The following CYP7B1 variants were observed in gnomAD, a reference collection of about 807,000 sequenced individuals.
CYP7B1 encodes cytochrome P450 7B1.
A neutral mutation model predicts 42.7 loss-of-function variants in CYP7B1; 29 were observed. That is an observed-to-expected ratio of 0.68 (90% confidence interval 0.51 to 0.93). The LOEUF (loss-of-function observed/expected upper bound fraction) is 0.93. Ranked by LOEUF, CYP7B1 falls within the 40% of genes least tolerant of loss-of-function variation. The probability of loss-of-function intolerance (pLI) is 0.00; values close to 1 mark genes in which losing one functional copy is unlikely to be tolerated. For missense variants in CYP7B1, 655 were observed against 600.5 expected (o/e 1.09, Z -0.95); for synonymous variants, 235 against 218.2 (o/e 1.08, Z -0.68).
At chr8:64,723,051 T>A (rs756502246) in intron 1 of CYP7B1, among the ~76,000 whole-genome samples, 12 of 152,188 alleles carry the variant, frequency 7.9e-5, no homozygotes, top group Non-Finnish European at 1.6e-4. Flanking sequence ...TATACAATCA[T>A]TAGCCCTGAA....
intron 5 of CYP7B1, among the ~76,000 whole-genome samples, chr8:64,598,153 G>C (rs1279962159): frequency 6.6e-6 from 1 of 152,144 alleles, no homozygotes; most frequent in African/African-American, 2.4e-5. Context: ...CTTGCAAGTG[G>C]ATGCAATGAT....
At chr8:64,659,760 GT>G (rs1376872485) in intron 1 of CYP7B1, among the ~76,000 whole-genome samples, 1 of 152,182 alleles carries the variant, frequency 6.6e-6, no homozygotes. Context: ...GGAAGGAAAG[GT>G]CTAAGAACAA....
intron 4 of CYP7B1, among the ~76,000 whole-genome samples, chr8:64,609,267 C>T (rs1480429849): frequency 6.6e-6 from 1 of 152,210 alleles, no homozygotes; most frequent in African/African-American, 2.4e-5. Context: ...AATTACCTCA[C>T]ATACTGATCA....
At chr8:64,690,822 C>G (rs765141475) in intron 1 of CYP7B1, among the ~76,000 whole-genome samples, 2 of 152,180 alleles carry the variant, frequency 1.3e-5, no homozygotes, top group African/African-American at 4.8e-5. Flanking sequence ...TACAAACATC[C>G]CCAGGCATTC....
chr8:64,603,066 A>G (rs1805225813), intron 5 of CYP7B1, among the ~76,000 whole-genome samples: 1 of 152,194 alleles, frequency 6.6e-6, no homozygotes, highest in African/African-American at 2.4e-5. Flanking sequence ...AGTAAATAAT[A>G]GAGAGTGTTC....
intron 4 of CYP7B1, among the ~76,000 whole-genome samples, chr8:64,610,544 T>C (rs959346898): frequency 3.9e-5 from 6 of 152,178 alleles, no homozygotes; most frequent in Non-Finnish European, 5.9e-5. Context: ...CATATCACAC[T>C]AACGTAAAAC....
intron 1 of CYP7B1, among the ~76,000 whole-genome samples, chr8:64,694,414 C>T (rs1451501379): frequency 6.6e-6 from 1 of 152,158 alleles, no homozygotes; most frequent in African/African-American, 2.4e-5. Flanking sequence ...TCTGGCCTTG[C>T]TCTAGATAAG....
rs73237769 is a variant in CYP7B1, at chr8:64,624,611, T to C, written c.123-72A>G. 92,625 of 1,562,962 alleles carry C rather than the reference T, an allele frequency of 0.059. 4,235 individuals carry two copies. Among genetic ancestry groups the C allele is most frequent in the African/African-American group, 0.18 (13,039 of 73,478 alleles). On this transcript the variant is annotated intron_variant, in intron 1 of 5. Coordinates refer to ENST00000310193, the MANE Select transcript of CYP7B1 (RefSeq NM_004820.5). ...CATTCTTATTCGAATACAGGTGGTT[T>C]ATTTACTGAATCTAGAAGGTGACTG...
In CYP7B1 at chr8:64,798,619, G is replaced by C. The variant is rs1804752284; in HGVS notation, c.-32C>G. ...CGCGCTAGGCCGCGGTGGGCAGCCC[G>C]GGGTCTGCCTGCGAACAGCGCGGTC... On this transcript the variant is annotated 5_prime_UTR_variant, in exon 1 of 6. Coordinates refer to ENST00000310193, the MANE Select transcript of CYP7B1 (RefSeq NM_004820.5). 4 of 1,449,140 alleles carry C rather than the reference G, an allele frequency of 2.8e-6. No homozygotes were observed. Among genetic ancestry groups the C allele is most frequent in the Non-Finnish European group, 3.6e-6 (4 of 1,110,678 alleles). 89.8% of individuals were successfully genotyped at this position (1,449,140 alleles called of 1,614,324 possible). A position where few individuals can be genotyped will look rare whatever the true frequency, so the allele number is the denominator to read the frequency against.
chr8:64,755,804 T>A lies in CYP7B1; in HGVS notation c.122+42662A>T, dbSNP rs549607295. Among the ~76,000 whole-genome samples, 4 of 152,300 alleles carry A rather than the reference T, an allele frequency of 2.6e-5. No individual in the cohort carries two copies. The South Asian group carries it at 8.3e-4, about 32-fold the overall frequency. The stretch of plus-strand genomic sequence containing the variant: ...AAAATATAAGAATAATTTAGTACAA[T>A]TTTTTTGGTAATATAGGTCTACTAA... On this transcript the variant is annotated intron_variant, in intron 1 of 5. Transcript: ENST00000310193.
At chr8:64,791,513 T>C (rs185640859) in intron 1 of CYP7B1, among the ~76,000 whole-genome samples, 145 of 152,262 alleles carry the variant, frequency 9.5e-4, no homozygotes, top group Non-Finnish European at 1.5e-3. Flanking sequence ...AGATGCCATG[T>C]TGCTGGTTTT....
chr8:64,624,284 A>C, intron 2 of CYP7B1, 119 bp downstream of exon 2: 1 of 1,014,222 alleles, frequency 9.9e-7, no homozygotes, highest in East Asian at 2.6e-5. Context: ...CATTAGCTCT[A>C]CAAAATAAAA....
intron 1 of CYP7B1, among the ~76,000 whole-genome samples, chr8:64,729,943 T>C (rs1057096732): frequency 3.3e-5 from 5 of 152,244 alleles, no homozygotes; most frequent in Non-Finnish European, 7.3e-5. Flanking sequence ...GCTGTGAATC[T>C]AGTCTTTTGA....
chr8:64,708,498 T>A (rs947104627), intron 1 of CYP7B1, among the ~76,000 whole-genome samples: 13 of 152,312 alleles, frequency 8.5e-5, no homozygotes, highest in African/African-American at 2.9e-4. Context: ...CAAATTTTTT[T>A]AAATATAATG....
rs112871358 is a variant in CYP7B1 at position 64,787,084 on chromosome 8, C to A, written c.122+11382G>T. On this transcript the variant is annotated intron_variant, in intron 1 of 5. Transcript: ENST00000310193. ...AGGGGTTAGGCCTGGACTATGAAACCGTTTTTCCCTCCTAGGCCTCTGGGC... is the reference window on the plus strand; with the variant it reads ...AGGGGTTAGGCCTGGACTATGAAACAGTTTTTCCCTCCTAGGCCTCTGGGC... Among the ~76,000 whole-genome samples the A allele has an allele frequency of 4.2e-3, 634 of 152,314 alleles. 7 individuals carry two copies. The highest frequency in any genetic ancestry group is 6.1e-3 in the Admixed American group (93 of 15,302).
intron 1 of CYP7B1, among the ~76,000 whole-genome samples, chr8:64,627,918 G>A (rs538890851): frequency 1.4e-4 from 21 of 152,252 alleles, no homozygotes; most frequent in African/African-American, 4.8e-4. Flanking sequence ...CATAATGATC[G>A]AGAAAGGCCT....
chr8:64,798,519 G>A lies in CYP7B1; in HGVS notation c.69C>T (p.Ala23=). 6.6e-7 allele frequency: 1 copy of A among 1,504,486 alleles called. No individual in the cohort carries two copies. The highest frequency in any genetic ancestry group is 8.8e-7 in the Non-Finnish European group (1 of 1,135,544). 93.2% of individuals were successfully genotyped at this position (1,504,486 alleles called of 1,614,324 possible). Residue 23 remains alanine (A), a synonymous_variant, in exon 1 of 6, where the codon GCC becomes GCT. Transcript: ENST00000310193. ...CCAGGAGCAGCAGGGCCGCGGCGAGGGCCAGGCCCGGGAGGCCCAACCGCT... is the reference window on the plus strand; with the variant it reads ...CCAGGAGCAGCAGGGCCGCGGCGAGAGCCAGGCCCGGGAGGCCCAACCGCT... ...SLERLGLPGL[A]LAAALLLLAL... is the part of the protein sequence containing the mutation.
chr8:64,664,190 C>CG (rs535994769), intron 1 of CYP7B1, among the ~76,000 whole-genome samples: 1 of 152,106 alleles, frequency 6.6e-6, no homozygotes, highest in Non-Finnish European at 1.5e-5. Context: ...CACACACACA[C>CG]GTGTGTGCTG....
At chr8:64,703,663 T>C (rs1279451276) in intron 1 of CYP7B1, 1 of 152,042 alleles carries the variant, frequency 6.6e-6, no homozygotes, top group Non-Finnish European at 1.5e-5. Context: ...AATATATGAA[T>C]ATTTAGAAAA....
Sources: allele counts gnomAD v4.1 joint callset (sites outside exome capture counted in the v4.1 genomes callset), GRCh38; gene constraint gnomAD v4.1.1; transcripts MANE v1.5; gene names NCBI Gene and HGNC (gene_info 2026-07-23, HGNC 2026-07-21).